Variants in UPB1 observed in about 807,000 individuals in gnomAD.
UPB1 encodes the protein beta-ureidopropionase.
A neutral mutation model predicts 49.1 loss-of-function variants in UPB1; 40 were observed. The observed-to-expected ratio is 0.81, with a 90% CI of 0.63 to 1.06. UPB1 has a LOEUF of 1.06. Among genes scored for constraint, UPB1 ranks in the 50% least tolerant of loss-of-function variants. The pLI, the probability that UPB1 is intolerant of heterozygous loss-of-function variation, is 0.00. For synonymous variants in UPB1, 207 were observed against 198.2 expected, an observed-to-expected ratio of 1.04 and a Z score of -0.38; for missense variants, 499 against 505.9, an observed-to-expected ratio of 0.99 and a Z score of 0.13.
intron 6 of UPB1, 72 bp downstream of exon 6, chr22:24,515,442 G>A (rs957687510): frequency 6.2e-7 from 1 of 1,604,848 alleles, no homozygotes; most frequent in Admixed American, 1.7e-5. Flanking sequence ...GGGCTGTGGA[G>A]CTCCAAGGTG....
At chr22:24,514,885 C>G (rs796870391) in intron 5 of UPB1, among the ~76,000 whole-genome samples, 7 of 152,232 alleles carry the variant, frequency 4.6e-5, no homozygotes, top group African/African-American at 1.7e-4. Context: ...CAAACCCGAG[C>G]CTTGAGTTGG....
intron 9 of UPB1, 69 bp from the exon 10 acceptor site, chr22:24,525,642 T>G: frequency 6.3e-7 from 1 of 1,587,554 alleles, no homozygotes; most frequent in South Asian, 1.1e-5. Context: ...TGGCAAGAGG[T>G]GGTGGCGTGT....
Position 24,525,859 on chromosome 22 carries a change from C to G in UPB1, c.*65C>G. 1 of 1,587,458 alleles carries G rather than the reference C, an allele frequency of 6.3e-7. No homozygotes were observed. Among genetic ancestry groups the G allele is most frequent in the Non-Finnish European group, 8.6e-7 (1 of 1,156,332 alleles). On this transcript the variant is annotated 3_prime_UTR_variant, in exon 10 of 10. Coordinates refer to ENST00000326010, the MANE Select transcript of UPB1 (RefSeq NM_016327.3). Reference sequence around the variant, plus strand: ...TGCCCCAGTGGATTAGCAAGTGTGGCAGGCTTAACATGTCCAGGTTCTCCC... The same window carrying G: ...TGCCCCAGTGGATTAGCAAGTGTGGGAGGCTTAACATGTCCAGGTTCTCCC...
chr22:24,517,075 T>C (rs2044310035), intron 6 of UPB1, among the ~76,000 whole-genome samples: 1 of 152,210 alleles, frequency 6.6e-6, no homozygotes, highest in African/African-American at 2.4e-5. Context: ...TTACCTTTTC[T>C]TTTCATACAG....
chr22:24,525,156 G>A (rs2044461109), intron 9 of UPB1, among the ~76,000 whole-genome samples: 1 of 152,070 alleles, frequency 6.6e-6, no homozygotes, highest in South Asian at 2.1e-4. Flanking sequence ...TCCCAACTTT[G>A]GTAATGGGCC....
chr22:24,502,635 A>G, intron 3 of UPB1: 2 of 675,884 alleles, frequency 3.0e-6, no homozygotes, highest in African/African-American at 1.8e-5. Flanking sequence ...TCAGAGTTTT[A>G]CATGCTCATG....
At chr22:24,507,529 G>C (rs563907819) in intron 3 of UPB1, among the ~76,000 whole-genome samples, 1 of 152,162 alleles carries the variant, frequency 6.6e-6, no homozygotes, top group African/African-American at 2.4e-5. Context: ...TGCCTATTAC[G>C]AAGATAGGAG....
chr22:24,502,612 G>T, intron 3 of UPB1: 1 of 704,234 alleles, frequency 1.4e-6, no homozygotes. Context: ...TACCTTTGTG[G>T]TTTTTATTTT....
Position 24,495,511 on chromosome 22 carries a change from C to CATTA in UPB1, c.104+4_104+5insATTA, listed in dbSNP as rs2043853056. On this transcript the variant is annotated splice_donor_region_variant and intron_variant, in intron 1 of 9. Coordinates refer to ENST00000326010, the MANE Select transcript of UPB1 (RefSeq NM_016327.3). ...TTCTCTATGGCAAGGAACTCAGGTC[C>CATTA]GCAGCCAAGAGGCTAAGCTAATGGG... The CATTA allele has an allele frequency of 6.2e-7, 1 of 1,613,802 alleles. No individual in the cohort carries two copies. Among genetic ancestry groups the CATTA allele is most frequent in the Non-Finnish European group, 8.5e-7 (1 of 1,180,016 alleles).
chr22:24,513,211 C>T, intron 4 of UPB1, 113 bp from the exon 5 acceptor site: 1 of 1,470,390 alleles, frequency 6.8e-7, no homozygotes, highest in Non-Finnish European at 9.4e-7. Context: ...ACAACAAATG[C>T]AAGTGGTTGC....
In UPB1 at chr22:24,502,419, T is replaced by C. The variant is rs752475112; in HGVS notation, c.364+206T>C. ...GTCTGATTCCTTCAGTTTTCCCACA[T>C]CGTTCTGAATCCATTCGCTCCTCTC... On this transcript the variant is annotated intron_variant, in intron 3 of 9. Coordinates refer to ENST00000326010, the MANE Select transcript of UPB1 (RefSeq NM_016327.3). The C allele has an allele frequency of 6.4e-5, 50 of 785,454 alleles. 1 individual carries two copies. In the South Asian group the frequency reaches 6.4e-4, roughly 10 times the overall value. 48.7% of individuals were successfully genotyped at this position (785,454 alleles called of 1,614,324 possible). A position where few individuals can be genotyped will look rare whatever the true frequency, so the allele number is the denominator to read the frequency against.
chr22:24,515,400 T>C lies in UPB1; in HGVS notation c.791+30T>C, dbSNP rs200633007. 1.1e-3 allele frequency: 1,712 copies of C among 1,613,764 alleles called. 2 individuals carry two copies. The highest frequency in any genetic ancestry group is 1.3e-3 in the Non-Finnish European group (1,567 of 1,179,900). On this transcript the variant is annotated intron_variant, in intron 6 of 9. Transcript: ENST00000326010. ...CTCAGTTGGTGGGGTCTGGGGGGCT[T>C]CCTGGGGCCCAGCCAGCTAAAGCCC...
chr22:24,502,348 C>G (rs772650654), intron 3 of UPB1, 135 bp downstream of exon 3: 2 of 964,040 alleles, frequency 2.1e-6, no homozygotes, highest in Non-Finnish European at 3.4e-6. Flanking sequence ...TCTCCGTCCA[C>G]ATCACCAGGA....
At chr22:24,512,425 A>C (rs964425526) in intron 4 of UPB1, among the ~76,000 whole-genome samples, 2 of 152,236 alleles carry the variant, frequency 1.3e-5, no homozygotes, top group African/African-American at 4.8e-5. Flanking sequence ...TGGGCTGCTC[A>C]TCCTGTGGTC....
intron 3 of UPB1, chr22:24,503,361 T>TGG (rs1195547607): frequency 6.6e-6 from 1 of 152,352 alleles, no homozygotes; most frequent in Non-Finnish European, 1.5e-5. Flanking sequence ...ATCATCACCC[T>TGG]GGGGAATCCC....
rs561331285 is a variant in UPB1, at chr22:24,508,554, C to T, written c.365-2195C>T. Among the ~76,000 whole-genome samples the T allele has an allele frequency of 1.8e-4, 26 of 146,288 alleles. No homozygotes were observed. In the South Asian group the frequency reaches 3.7e-3, roughly 21 times the overall value. ...AGCCTGGGCAACGAGAGCGAGACTC[C>T]GTCTCAAAAAAGAAAAAAAAAGAAA... is the stretch of plus-strand genomic sequence containing the variant. On this transcript the variant is annotated intron_variant, in intron 3 of 9. Transcript: ENST00000326010.
intron 8 of UPB1, among the ~76,000 whole-genome samples, chr22:24,522,761 G>C (rs1648713829): frequency 6.8e-6 from 1 of 147,488 alleles, no homozygotes; most frequent in Admixed American, 6.8e-5. Context: ...GAGAAACCCA[G>C]TCTCTACTAA....
chr22:24,503,018 G>A (rs2044022412), intron 3 of UPB1: 2 of 155,726 alleles, frequency 1.3e-5, no homozygotes, highest in East Asian at 1.9e-4. Context: ...CCAAGTAGCT[G>A]GGACCACAGG....
At chr22:24,502,776 T>C in intron 3 of UPB1, 2 of 516,206 alleles carry the variant, frequency 3.9e-6, no homozygotes, top group South Asian at 5.3e-5. Flanking sequence ...TAGTTTTGCA[T>C]CACCTATTGA....
Sources: allele counts gnomAD v4.1 joint callset (sites outside exome capture counted in the v4.1 genomes callset), GRCh38; gene constraint gnomAD v4.1.1; transcripts MANE v1.5; gene names NCBI Gene and HGNC (gene_info 2026-07-23, HGNC 2026-07-21).